Variants in MID1 observed in about 807,000 individuals in gnomAD.
MID1 encodes the protein midline 1, also known as E3 ubiquitin-protein ligase Midline-1.
In MID1, 7 loss-of-function variants were observed where a neutral mutation model predicts 40.4. The ratio of observed to expected loss-of-function variants is 0.17; its 90% CI spans 0.10 to 0.33. MID1 has a LOEUF of 0.33. Ranked by LOEUF, MID1 falls within the 10% of genes least tolerant of loss-of-function variation. The pLI is 1.00. For synonymous variants in MID1, 229 were observed against 221.2 expected, an observed-to-expected ratio of 1.04 and a Z score of -0.31; for missense variants, 367 against 558.5, an observed-to-expected ratio of 0.66 and a Z score of 3.46.
chrX:10,458,655 T>C (rs1329829025), intron 8 of MID1, among the ~76,000 whole-genome samples: 1 of 111,864 alleles, frequency 8.9e-6, no homozygotes, highest in African/African-American at 3.3e-5. Flanking sequence ...TATAGCTATA[T>C]GGGTACCAAG....
At chrX:10,687,795 C>G (rs1257379700) in intron 1 of MID1, among the ~76,000 whole-genome samples, 3 of 111,662 alleles carry the variant, frequency 2.7e-5, no homozygotes, top group African/African-American at 9.8e-5. Flanking sequence ...CTTGCTGCAG[C>G]CTTGACCTCC....
chrX:10,770,847 G>A (rs1174139116), intron 1 of MID1, among the ~76,000 whole-genome samples: 1 of 111,975 alleles, frequency 8.9e-6, no homozygotes, highest in Non-Finnish European at 1.9e-5. Flanking sequence ...GCTCACGCCT[G>A]TAAATCCCAG....
chrX:10,560,273 C>CA (rs958734009), intron 2 of MID1, among the ~76,000 whole-genome samples: 6 of 109,388 alleles, frequency 5.5e-5, no homozygotes, highest in East Asian at 5.7e-4. Flanking sequence ...TCACTCTCGG[C>CA]AAAAAAAAGC....
intron 1 of MID1, among the ~76,000 whole-genome samples, chrX:10,648,378 A>C (rs1159868379): frequency 8.9e-6 from 1 of 111,849 alleles, no homozygotes; most frequent in African/African-American, 3.2e-5. Flanking sequence ...AGCCACTATA[A>C]TCAACTAACT....
At chrX:10,637,973 T>TA (rs762234899) in intron 1 of MID1, among the ~76,000 whole-genome samples, 1,604 of 112,151 alleles carry the variant, frequency 0.014, 14 homozygotes, top group Non-Finnish European at 0.021. Flanking sequence ...GTTTCTTTTT[T>TA]AAAAAAAGTA....
intron 1 of MID1, among the ~76,000 whole-genome samples, chrX:10,675,281 G>C (rs986936493): frequency 2.7e-5 from 3 of 112,328 alleles, no homozygotes; most frequent in Non-Finnish European, 5.6e-5. Context: ...ATTTAGCAAT[G>C]CTTCTAGTTT....
chrX:10,589,861 G>A (rs1285868882), intron 1 of MID1: 1 of 110,089 alleles, frequency 9.1e-6, no homozygotes. Context: ...AATGTAGCAA[G>A]ACAAGCCGCA....
rs771627614 is a variant in MID1 at position 10,715,711 on chromosome X, G to A, written c.-186-95292C>T. 3.3e-3 allele frequency among the ~76,000 whole-genome samples: 363 copies of A among 111,482 alleles called. 3 individuals carry two copies. Among genetic ancestry groups the A allele is most frequent in the African/African-American group, 0.011 (345 of 30,723 alleles). On this transcript the variant is annotated intron_variant, in intron 1 of 10. Coordinates refer to the MID1 transcript ENST00000380785. ...TGAAGAGAGTAGCGGTTCTCCCAGC[G>A]CACAGCTTGAGATCTGAGAACGGAC...
chrX:10,638,010 C>T (rs967627552), intron 1 of MID1, among the ~76,000 whole-genome samples: 2 of 111,920 alleles, frequency 1.8e-5, no homozygotes, highest in East Asian at 2.8e-4. Context: ...CAAATACACT[C>T]GGGAAGTGGG....
At chrX:10,457,754 C>A (rs1928770896) in intron 8 of MID1, among the ~76,000 whole-genome samples, 1 of 112,472 alleles carries the variant, frequency 8.9e-6, no homozygotes, top group Admixed American at 9.4e-5. Flanking sequence ...TTGTCTCCAG[C>A]CTCCTGGCTC....
chrX:10,483,695 G>A (rs912126641), intron 4 of MID1, among the ~76,000 whole-genome samples: 1 of 111,997 alleles, frequency 8.9e-6, no homozygotes, highest in Non-Finnish European at 1.9e-5. Context: ...GCTGGCCCAA[G>A]GCTCTCTCCA....
At chrX:10,747,974 CT>C (rs1215214244) in intron 1 of MID1, among the ~76,000 whole-genome samples, 4 of 107,779 alleles carry the variant, frequency 3.7e-5, no homozygotes, top group Non-Finnish European at 3.9e-5. Context: ...TTCTTTCTTT[CT>C]TTTTTTTTTC....
Position 10,532,433 on chromosome X carries a change from A to G in MID1, c.661-9246T>C, listed in dbSNP as rs946464783. 3.6e-5 allele frequency among the ~76,000 whole-genome samples: 4 copies of G among 111,723 alleles called. No homozygotes were observed. The East Asian group carries it at 1.1e-3, about 31-fold the overall frequency. On this transcript the variant is annotated intron_variant, in intron 2 of 9. Coordinates refer to ENST00000317552, the MANE Select transcript of MID1 (RefSeq NM_000381.4). ...ACATCTGTAATCCCAGTTACTCAGG[A>G]GGCTGAGGAGGGAGGATTGCTTGAG...
intron 1 of MID1, among the ~76,000 whole-genome samples, chrX:10,802,063 T>C (rs1235396150): frequency 9.0e-6 from 1 of 110,921 alleles, no homozygotes; most frequent in Non-Finnish European, 1.9e-5. Flanking sequence ...ACGCCTGTAG[T>C]CCCAGCTACT....
At chrX:10,627,941 T>C (rs1013274122) in intron 1 of MID1, among the ~76,000 whole-genome samples, 2 of 111,844 alleles carry the variant, frequency 1.8e-5, no homozygotes, top group Non-Finnish European at 3.8e-5. Flanking sequence ...ATTGCCAGGA[T>C]GGTTGTGTTA....
Position 10,601,894 on chromosome X carries a change from TG to T in MID1, c.-57+18395del, listed in dbSNP as rs1261863736. The stretch of plus-strand genomic sequence containing the variant: ...GAATTGGAGTTTTTGTTTTTGTTTT[TG>T]TTTTTGTTTTTTTTTTTTTGAGACA... On this transcript the variant is annotated intron_variant, in intron 1 of 9. Coordinates refer to ENST00000317552, the MANE Select transcript of MID1 (RefSeq NM_000381.4). Among the ~76,000 whole-genome samples, 230 of 106,116 alleles carry T rather than the reference TG, an allele frequency of 2.2e-3. 1 individual carries two copies. Among genetic ancestry groups the T allele is most frequent in the African/African-American group, 8.0e-3 (222 of 27,880 alleles). 92.1% of individuals were successfully genotyped at this position (106,116 alleles called of 115,157 possible). A position where few individuals can be genotyped will look rare whatever the true frequency, so the allele number is the denominator to read the frequency against.
chrX:10,575,377 G>C (rs1048540068), intron 1 of MID1, among the ~76,000 whole-genome samples: 1 of 112,146 alleles, frequency 8.9e-6, no homozygotes, highest in Non-Finnish European at 1.9e-5. Flanking sequence ...GAGGCAGATT[G>C]CAACGGGGAC....
intron 1 of MID1, among the ~76,000 whole-genome samples, chrX:10,704,697 T>C (rs1025732253): frequency 1.4e-4 from 14 of 98,699 alleles, no homozygotes; most frequent in African/African-American, 5.1e-4. Context: ...TATGTGTATA[T>C]ATATGCATGT....
At chrX:10,781,485 T>C (rs932623840) in intron 1 of MID1, among the ~76,000 whole-genome samples, 3 of 112,316 alleles carry the variant, frequency 2.7e-5, no homozygotes, top group African/African-American at 9.7e-5. Context: ...AAATTCATTT[T>C]AGTGACCTGA....
Sources: gnomAD v4.1 joint callset for allele counts (sites outside exome capture counted in the v4.1 genomes callset) on GRCh38, gnomAD v4.1.1 for gene constraint, MANE v1.5 for transcripts, NCBI Gene and HGNC (gene_info 2026-07-23, HGNC 2026-07-21) for gene names.